The following DISC1 variants were observed in gnomAD, a reference collection of about 807,000 sequenced individuals.
DISC1 encodes disrupted in schizophrenia 1 protein.
DISC1 carries 57 observed loss-of-function variants against 84.5 expected under a neutral mutation model. The observed-to-expected ratio is 0.67, with a 90% CI of 0.55 to 0.84. The LOEUF is 0.84. Among genes scored for constraint, DISC1 ranks in the 40% least tolerant of loss-of-function variants. The pLI is 0.00. For synonymous variants in DISC1, 411 were observed against 415.2 expected (o/e 0.99, Z 0.12); for missense variants, 1,000 against 1,057.8 (o/e 0.95, Z 0.76).
intron 6 of DISC1, among the ~76,000 whole-genome samples, chr1:231,772,767 A>G (rs17749485): frequency 0.14 from 21,480 of 152,156 alleles, 1,575 homozygotes; most frequent in South Asian, 0.2. Context: ...TGTCTTCCAC[A>G]TGTATCACAT....
chr1:231,732,587 C>T (rs532484889), intron 3 of DISC1, among the ~76,000 whole-genome samples: 58 of 152,284 alleles, frequency 3.8e-4, no homozygotes, highest in African/African-American at 9.9e-4. Context: ...ATTCATATTT[C>T]GATGTGTGTC....
chr1:231,860,467 T>C (rs2084564678), intron 9 of DISC1, among the ~76,000 whole-genome samples: 1 of 152,172 alleles, frequency 6.6e-6, no homozygotes, highest in South Asian at 2.1e-4. Context: ...ATAGTGAATT[T>C]TGAAGTATTT....
At chr1:231,906,838 A>G (rs2088690173) in intron 9 of DISC1, among the ~76,000 whole-genome samples, 1 of 152,178 alleles carries the variant, frequency 6.6e-6, no homozygotes, top group Non-Finnish European at 1.5e-5. Flanking sequence ...AAAGGAAAAA[A>G]AAAATTAAGG....
intron 10 of DISC1, among the ~76,000 whole-genome samples, chr1:231,997,935 T>G (rs1666167539): frequency 1.3e-5 from 2 of 152,058 alleles, no homozygotes; most frequent in Non-Finnish European, 2.9e-5. Context: ...AAAAGAACGG[T>G]AATAAATGGA....
chr1:231,944,147 C>A (rs926840926), intron 9 of DISC1, among the ~76,000 whole-genome samples: 2 of 152,170 alleles, frequency 1.3e-5, no homozygotes, highest in Admixed American at 6.5e-5. Context: ...AACCCAGCCT[C>A]CAGCTCTATT....
At chr1:232,016,244 G>T (rs1225130054) in intron 11 of DISC1, among the ~76,000 whole-genome samples, 1 of 152,222 alleles carries the variant, frequency 6.6e-6, no homozygotes, top group Non-Finnish European at 1.5e-5. Flanking sequence ...CATGGATGGA[G>T]TTTGGGATTT....
At chr1:231,935,139 A>C (rs755459867) in intron 9 of DISC1, among the ~76,000 whole-genome samples, 1 of 152,212 alleles carries the variant, frequency 6.6e-6, no homozygotes, top group Non-Finnish European at 1.5e-5. Context: ...TCTGGGGAGC[A>C]CTGAGCCAAG....
intron 1 of DISC1, among the ~76,000 whole-genome samples, chr1:231,685,558 T>A (rs752049189): frequency 2.3e-4 from 35 of 152,108 alleles, no homozygotes; most frequent in South Asian, 1.0e-3. Context: ...GTTCAAGCGA[T>A]TCTTCTGCCT....
chr1:231,778,629 T>A (rs1179318824), intron 6 of DISC1, among the ~76,000 whole-genome samples: 1 of 152,042 alleles, frequency 6.6e-6, no homozygotes, highest in East Asian at 1.9e-4. Context: ...TGGAAAGTCG[T>A]CATTACAGGC....
rs1015154045 is a variant in DISC1, at chr1:231,973,692, A to G, written c.2042+14804A>G. On this transcript the variant is annotated intron_variant, in intron 10 of 12. Coordinates refer to ENST00000439617, the MANE Select transcript of DISC1 (RefSeq NM_018662.3). ...TCACATGCATTTTTCCTAGGCCTATAATAGGTTTCCCTCCGCATGCCCAAA... is the reference window on the plus strand; with the variant it reads ...TCACATGCATTTTTCCTAGGCCTATGATAGGTTTCCCTCCGCATGCCCAAA... Among the ~76,000 whole-genome samples the G allele has an allele frequency of 5.9e-5, 9 of 152,196 alleles. No homozygotes were observed. In the East Asian group the frequency reaches 1.5e-3, roughly 26 times the overall value.
intron 9 of DISC1, among the ~76,000 whole-genome samples, chr1:231,919,491 A>G (rs1473080883): frequency 6.6e-6 from 1 of 152,174 alleles, no homozygotes; most frequent in South Asian, 2.1e-4. Context: ...TGTTTTTGTC[A>G]CAGCAGTCTA....
chr1:231,929,523 G>A (rs1341721876), intron 9 of DISC1, among the ~76,000 whole-genome samples: 1 of 152,206 alleles, frequency 6.6e-6, no homozygotes, highest in Admixed American at 6.5e-5. Context: ...AGCCCTCATG[G>A]CACTGCGCTG....
chr1:231,717,711 A>G (rs999888015), intron 3 of DISC1, among the ~76,000 whole-genome samples: 6 of 152,152 alleles, frequency 3.9e-5, no homozygotes. Flanking sequence ...GCACCATTCA[A>G]TAATTCTATG....
chr1:231,723,565 T>A, intron 3 of DISC1: 2 of 985,502 alleles, frequency 2.0e-6, no homozygotes, highest in Non-Finnish European at 2.4e-6. Context: ...CAGACTTCTC[T>A]GATGGCCTGT....
intron 9 of DISC1, among the ~76,000 whole-genome samples, chr1:231,941,430 C>T (rs374123274): frequency 2.0e-5 from 3 of 151,470 alleles, no homozygotes; most frequent in Admixed American, 1.3e-4. Context: ...ATCCAACAAA[C>T]GTGTATGGAG....
At chr1:231,980,826 T>C (rs1469935924) in intron 10 of DISC1, among the ~76,000 whole-genome samples, 3 of 152,002 alleles carry the variant, frequency 2.0e-5, no homozygotes, top group Non-Finnish European at 4.4e-5. Flanking sequence ...TTTTGAGGGG[T>C]GGAAGTGTGA....
chr1:231,941,429 A>C (rs2091332819), intron 9 of DISC1, among the ~76,000 whole-genome samples: 1 of 151,476 alleles, frequency 6.6e-6, no homozygotes, highest in African/African-American at 2.4e-5. Flanking sequence ...AATCCAACAA[A>C]CGTGTATGGA....
chr1:231,690,978 T>G (rs1269486615), intron 1 of DISC1, among the ~76,000 whole-genome samples: 2 of 152,198 alleles, frequency 1.3e-5, no homozygotes, highest in African/African-American at 4.8e-5. Context: ...CTCTTATGTT[T>G]GCCCTCCTGG....
chr1:231,968,362 A>G (rs1177983415), intron 10 of DISC1, among the ~76,000 whole-genome samples: 1 of 152,000 alleles, frequency 6.6e-6, no homozygotes, highest in Non-Finnish European at 1.5e-5. Flanking sequence ...TCACATCTGG[A>G]CCACAACATG....
Sources: gnomAD v4.1 joint callset for allele counts (sites outside exome capture counted in the v4.1 genomes callset) on GRCh38, gnomAD v4.1.1 for gene constraint, MANE v1.5 for transcripts, NCBI Gene and HGNC (gene_info 2026-07-23, HGNC 2026-07-21) for gene names.